The following STK33 variants were observed in gnomAD, a reference collection of about 807,000 sequenced individuals.
STK33 encodes serine/threonine kinase 33, also known as serine/threonine-protein kinase 33.
A neutral mutation model predicts 58.0 loss-of-function variants in STK33; 52 were observed. The observed-to-expected ratio is 0.90, with a 90% CI of 0.72 to 1.13. STK33 has a LOEUF of 1.13. Ranked by LOEUF, STK33 falls within the 50% of genes most tolerant of loss-of-function variation. The probability of loss-of-function intolerance (pLI) is 0.00; values close to 1 mark genes in which losing one functional copy is unlikely to be tolerated. For synonymous variants in STK33, 215 were observed against 200.1 expected (o/e 1.07, Z -0.63); for missense variants, 630 against 604.2 (o/e 1.04, Z -0.45).
chr11:8,414,267 A>G (rs370294361), intron 14 of STK33, among the ~76,000 whole-genome samples: 14 of 152,206 alleles, frequency 9.2e-5, no homozygotes, highest in African/African-American at 3.4e-4. Flanking sequence ...ATCCCAGCAT[A>G]TGACTATACC....
chr11:8,355,432 G>A, the STK33 span, among the ~76,000 whole-genome samples: 1 of 152,264 alleles, frequency 6.6e-6, no homozygotes, highest in South Asian at 2.1e-4. Flanking sequence ...CTAGGTCGAA[G>A]TGAGGAGATG....
chr11:8,448,977 T>C (rs1027795616), intron 11 of STK33, among the ~76,000 whole-genome samples: 2 of 151,498 alleles, frequency 1.3e-5, no homozygotes, highest in African/African-American at 4.9e-5. Context: ...GCAAAGGAAA[T>C]GAACAGACAC....
chr11:8,562,546 C>A (rs1287311036), intron 1 of STK33, among the ~76,000 whole-genome samples: 1 of 152,104 alleles, frequency 6.6e-6, no homozygotes, highest in East Asian at 1.9e-4. Flanking sequence ...TTGATTTCAT[C>A]CATATTTCAT....
At chr11:8,428,972 G>A (rs1309928618) in intron 14 of STK33, among the ~76,000 whole-genome samples, 1 of 151,818 alleles carries the variant, frequency 6.6e-6, no homozygotes, top group Non-Finnish European at 1.5e-5. Context: ...ATATAAATTT[G>A]AACTTTTTTT....
At position 8,558,870 on chromosome 11, in the gene STK33, A is replaced by G. The variant is rs550085996; in HGVS notation, c.-466+35213T>C. Among the ~76,000 whole-genome samples the G allele has an allele frequency of 3.3e-5, 5 of 152,332 alleles. No individual in the cohort carries two copies. The South Asian group carries it at 8.3e-4, about 25-fold the overall frequency. On this transcript the variant is annotated intron_variant, in intron 1 of 15. Coordinates refer to ENST00000687296, the MANE Select transcript of STK33 (RefSeq NM_001352389.2). ...ATTCACGTTTTCAAAACAAGTGTTA[A>G]TATAGCACAACTGGCTGTGCGGGTA...
the STK33 span, among the ~76,000 whole-genome samples, chr11:8,383,220 T>C: frequency 1.3e-5 from 2 of 152,038 alleles, no homozygotes; most frequent in Non-Finnish European, 2.9e-5. Flanking sequence ...CCAAGAGACA[T>C]GGGGATGTTT....
chr11:8,370,708 A>C, the STK33 span, among the ~76,000 whole-genome samples: 1 of 107,728 alleles, frequency 9.3e-6, no homozygotes, highest in Non-Finnish European at 2.0e-5. Flanking sequence ...TGGAGGAGAC[A>C]AGGTAGCTCC....
intron 1 of STK33, among the ~76,000 whole-genome samples, chr11:8,568,272 A>G (rs532557294): frequency 6.6e-6 from 1 of 152,332 alleles, no homozygotes; most frequent in Admixed American, 6.5e-5. Flanking sequence ...CAGTTATTCA[A>G]TGTAAACATG....
At chr11:8,408,324 C>T (rs971244389) in intron 15 of STK33, among the ~76,000 whole-genome samples, 2 of 152,130 alleles carry the variant, frequency 1.3e-5, no homozygotes, top group East Asian at 3.9e-4. Flanking sequence ...CAGCTATAGG[C>T]CCTAAGGGGA....
At chr11:8,541,652 A>G (rs1017954845) in intron 1 of STK33, among the ~76,000 whole-genome samples, 1 of 152,188 alleles carries the variant, frequency 6.6e-6, no homozygotes, top group Non-Finnish European at 1.5e-5. Context: ...ATATAGTCCT[A>G]AATTCGTTGC....
chr11:8,358,590 T>C, the STK33 span, among the ~76,000 whole-genome samples: 2 of 152,018 alleles, frequency 1.3e-5, no homozygotes, highest in South Asian at 2.1e-4. Context: ...GTCATCCAGG[T>C]ACTCTTCCAC....
chr11:8,362,867 T>TTC, the STK33 span, among the ~76,000 whole-genome samples: 21 of 150,972 alleles, frequency 1.4e-4, no homozygotes, highest in South Asian at 4.2e-4. Context: ...TCCCTCCCTC[T>TTC]CTTCCTCCCT....
chr11:8,376,117 G>T, the STK33 span, among the ~76,000 whole-genome samples: 4 of 152,174 alleles, frequency 2.6e-5, no homozygotes, highest in African/African-American at 9.7e-5. Flanking sequence ...GGGAATGAGC[G>T]GGGTCAGAGC....
At chr11:8,425,616 A>G (rs879766558) in intron 14 of STK33, among the ~76,000 whole-genome samples, 1 of 152,048 alleles carries the variant, frequency 6.6e-6, no homozygotes, top group Admixed American at 6.5e-5. Context: ...GTCCTTTTCC[A>G]TTTTTGTGTT....
chr11:8,516,400 C>T (rs2139640677), intron 1 of STK33, among the ~76,000 whole-genome samples: 1 of 152,296 alleles, frequency 6.6e-6, no homozygotes, highest in Non-Finnish European at 1.5e-5. Context: ...GCCGAATAGG[C>T]ACAGCTCCAG....
the STK33 span, among the ~76,000 whole-genome samples, chr11:8,346,979 TA>T: frequency 6.6e-6 from 1 of 152,242 alleles, no homozygotes; most frequent in Non-Finnish European, 1.5e-5. Flanking sequence ...CTTGAGCTCA[TA>T]TTCCCACAGA....
At chr11:8,579,826 C>G (rs1958440874) in intron 1 of STK33, among the ~76,000 whole-genome samples, 1 of 152,048 alleles carries the variant, frequency 6.6e-6, no homozygotes, top group Non-Finnish European at 1.5e-5. Context: ...AGACACTTCT[C>G]AAAAGAAGAC....
At chr11:8,380,576 A>C in the STK33 span, among the ~76,000 whole-genome samples, 2 of 151,014 alleles carry the variant, frequency 1.3e-5, no homozygotes, top group Admixed American at 1.3e-4. Context: ...AAAAAAAAAA[A>C]ATGGCTGTTA....
At chr11:8,553,167 A>AAT (rs56363010) in intron 1 of STK33, among the ~76,000 whole-genome samples, 2,500 of 67,914 alleles carry the variant, frequency 0.037, 67 homozygotes, top group Admixed American at 0.061. Flanking sequence ...CCAAAAATAA[A>AAT]ATATATATAT....
Sources: gnomAD v4.1 joint callset for allele counts (sites outside exome capture counted in the v4.1 genomes callset) on GRCh38, gnomAD v4.1.1 for gene constraint, MANE v1.5 for transcripts, NCBI Gene and HGNC (gene_info 2026-07-23, HGNC 2026-07-21) for gene names.